The following TRPM1 variants were observed in gnomAD, a reference collection of about 807,000 sequenced individuals.
TRPM1 encodes TRPM1-203 APA Isoform, Intron 10.
In TRPM1, 113 loss-of-function variants were observed where a neutral mutation model predicts 149.4. The observed-to-expected ratio is 0.76, with a 90% confidence interval of 0.65 to 0.88. The LOEUF is 0.88. Among genes scored for constraint, TRPM1 ranks in the 40% least tolerant of loss-of-function variants. The pLI is 0.00. For synonymous variants in TRPM1, 741 were observed against 759.5 expected, an observed-to-expected ratio of 0.98 and a Z score of 0.40; for missense variants, 1,976 against 2,038.7, an observed-to-expected ratio of 0.97 and a Z score of 0.59.
chr15:31,088,231 T>C (rs972588692), intron 1 of TRPM1, among the ~76,000 whole-genome samples: 6 of 152,224 alleles, frequency 3.9e-5, no homozygotes, highest in Admixed American at 3.9e-4. Flanking sequence ...TGGACTAATC[T>C]GCTCTCTGTA....
At chr15:31,087,863 G>A (rs986936578) in intron 1 of TRPM1, among the ~76,000 whole-genome samples, 7 of 152,186 alleles carry the variant, frequency 4.6e-5, no homozygotes, top group Admixed American at 3.3e-4. Context: ...TGGGAGGGAG[G>A]AATGGGTAGT....
At chr15:31,105,465 GTGTGTGT>G (rs2035591661), upstream of TRPM1, among the ~76,000 whole-genome samples, 2 of 137,194 alleles carry the variant, frequency 1.5e-5, no homozygotes, top group African/African-American at 7.1e-5. Context: ...GTGTGTGTGT[GTGTGTGT>G]GCGCGCGCGC....
chr15:31,054,382 G>T (rs2034030179), intron 11 of TRPM1, among the ~76,000 whole-genome samples: 1 of 151,568 alleles, frequency 6.6e-6, no homozygotes. Context: ...GCAACCTCCG[G>T]CTCCCAGGTT....
At chr15:31,070,367 A>G in intron 3 of TRPM1, 141 bp from the exon 4 acceptor site, 2 of 807,772 alleles carry the variant, frequency 2.5e-6, no homozygotes, top group Admixed American at 1.9e-5. Flanking sequence ...GTTATTAGGG[A>G]CAGAAATGCC....
rs118047113 is a variant in TRPM1 at position 31,160,935 on chromosome 15, G to A, written c.25C>T (p.Leu9Phe). ...TGCGACCCTGATGTGGAGCTCTTGA[G>A]CGAGCCCCGCTTGAAGGAGCTCATC... is the stretch of plus-strand genomic sequence containing the variant. The change falls in exon 1 of 27, where the codon CTC (leucine) becomes TTC (phenylalanine). Residue 9 changes from leucine (L) to phenylalanine (F), a missense_variant. By Grantham distance (22) the Leu-to-Phe change is conservative. Transcript: ENST00000542188. 0.03 allele frequency: 45,523 copies of A among 1,535,158 alleles called. 870 individuals carry two copies. Among genetic ancestry groups the A allele is most frequent in the Non-Finnish European group, 0.031 (35,897 of 1,146,438 alleles).
At chr15:31,024,968 C>T (rs755428051) in intron 27 of TRPM1, among the ~76,000 whole-genome samples, 2 of 152,078 alleles carry the variant, frequency 1.3e-5, no homozygotes, top group Admixed American at 6.5e-5. Flanking sequence ...AGGAGGGAAC[C>T]GAGGCCAGGG....
At chr15:31,154,263 T>G (rs1471412052) in intron 1 of TRPM1, among the ~76,000 whole-genome samples, 1 of 152,262 alleles carries the variant, frequency 6.6e-6, no homozygotes, top group African/African-American at 2.4e-5. Context: ...ATGAGCCCTT[T>G]GTCACAGACA....
chr15:31,105,414 G>A (rs188501913), upstream of TRPM1, among the ~76,000 whole-genome samples: 89 of 151,890 alleles, frequency 5.9e-4, no homozygotes, highest in South Asian at 0.012. Context: ...TCAGCAGGCG[G>A]AACTATGAAG....
At chr15:31,063,510 T>C (rs1285320726) in intron 7 of TRPM1, among the ~76,000 whole-genome samples, 1 of 152,112 alleles carries the variant, frequency 6.6e-6, no homozygotes, top group Non-Finnish European at 1.5e-5. Flanking sequence ...CAAGCTGGAG[T>C]GCAGTGGCAT....
At chr15:31,111,961 A>G (rs2035695776) in intron 1 of TRPM1, among the ~76,000 whole-genome samples, 1 of 152,174 alleles carries the variant, frequency 6.6e-6, no homozygotes, top group African/African-American at 2.4e-5. Context: ...GGAATAGAGT[A>G]TTGTTACCCG....
chr15:31,093,446 T>C (rs1156882003), intron 1 of TRPM1, among the ~76,000 whole-genome samples: 1 of 151,986 alleles, frequency 6.6e-6, no homozygotes, highest in Non-Finnish European at 1.5e-5. Flanking sequence ...AGAAAGTATC[T>C]AGAAATAAAT....
chr15:31,157,774 C>T (rs1326113860), intron 1 of TRPM1, among the ~76,000 whole-genome samples: 1 of 152,156 alleles, frequency 6.6e-6, no homozygotes, highest in Non-Finnish European at 1.5e-5. Flanking sequence ...AGCTTCAGAG[C>T]TGGGAAGAGC....
At chr15:31,086,048 G>T (rs1445650937) in intron 1 of TRPM1, among the ~76,000 whole-genome samples, 1 of 152,174 alleles carries the variant, frequency 6.6e-6, no homozygotes, top group African/African-American at 2.4e-5. Context: ...ACTGGGCTGG[G>T]TGTTGGATTA....
chr15:31,007,259 C>T (rs1188717345), intron 27 of TRPM1, among the ~76,000 whole-genome samples: 1 of 152,102 alleles, frequency 6.6e-6, no homozygotes, highest in Non-Finnish European at 1.5e-5. Context: ...ATCCATTCGT[C>T]GTTGAATTAG....
At chr15:31,084,809 A>G (rs1186665636) in intron 1 of TRPM1, among the ~76,000 whole-genome samples, 1 of 149,740 alleles carries the variant, frequency 6.7e-6, no homozygotes, top group East Asian at 1.9e-4. Context: ...CATAGCTGGA[A>G]CTACAGGCGC....
intron 1 of TRPM1, among the ~76,000 whole-genome samples, chr15:31,153,983 A>T (rs1485753826): frequency 6.6e-6 from 1 of 152,026 alleles, no homozygotes; most frequent in Admixed American, 6.6e-5. Flanking sequence ...AGTCTCTTGG[A>T]CCCCAGTACT....
At chr15:31,129,310 A>C (rs1054736327) in intron 1 of TRPM1, among the ~76,000 whole-genome samples, 3 of 152,192 alleles carry the variant, frequency 2.0e-5, no homozygotes, top group Non-Finnish European at 4.4e-5. Flanking sequence ...ACTTGTGCTT[A>C]CTGCGCAGAT....
At chr15:31,004,437 T>G (rs2031905295) in intron 27 of TRPM1, among the ~76,000 whole-genome samples, 1 of 140,416 alleles carries the variant, frequency 7.1e-6, no homozygotes, top group African/African-American at 3.0e-5. Context: ...CCTCCCAGAG[T>G]TTTTTTTTTG....
intron 2 of TRPM1, among the ~76,000 whole-genome samples, chr15:31,080,910 G>A (rs569773361): frequency 6.6e-6 from 1 of 152,196 alleles, no homozygotes; most frequent in Admixed American, 6.5e-5. Flanking sequence ...GCCCCTCATC[G>A]TGAAAGGGGG....
Sources: allele counts gnomAD v4.1 joint callset (sites outside exome capture counted in the v4.1 genomes callset), GRCh38; gene constraint gnomAD v4.1.1; transcripts MANE v1.5; gene names NCBI Gene and HGNC (gene_info 2026-07-23, HGNC 2026-07-21).